Variants in PCYT1B observed in about 807,000 individuals in gnomAD.
PCYT1B encodes choline-phosphate cytidylyltransferase B.
PCYT1B carries 10 observed loss-of-function variants against 26.4 expected under a neutral mutation model. The ratio of observed to expected loss-of-function variants is 0.38; its 90% CI spans 0.23 to 0.64. PCYT1B has a LOEUF of 0.64. PCYT1B is among the 30% of genes least tolerant of loss of function. The pLI is 0.56. For synonymous variants in PCYT1B, 131 were observed against 108.4 expected, an observed-to-expected ratio of 1.21 and a Z score of -1.29; for missense variants, 161 against 292.7, an observed-to-expected ratio of 0.55 and a Z score of 3.28.
At chrX:24,651,285 T>C (rs1276804571), upstream of PCYT1B, among the ~76,000 whole-genome samples, 1 of 105,449 alleles carries the variant, frequency 9.5e-6, no homozygotes, top group Admixed American at 1.0e-4. Flanking sequence ...TGAAACCCCG[T>C]CTATTTTAAA....
Position 24,562,350 on chromosome X carries a change from G to T in PCYT1B, c.1053C>A (p.Pro351=). Residue 351 remains proline (P), a synonymous_variant, in exon 8 of 8, where the codon CCC becomes CCA. Coordinates refer to ENST00000379144, the MANE Select transcript of PCYT1B (RefSeq NM_004845.5). ...TGCTGATAGAGGCTGAGGCTGCTTTGGGTGAGGAAGGGGGTGAGGTTTTGA... is the reference window on the plus strand; with the variant it reads ...TGCTGATAGAGGCTGAGGCTGCTTTTGGTGAGGAAGGGGGTGAGGTTTTGA... The part of the protein sequence containing the change: ...LPLKTSPPSS[P]KAASASISSM... 1 of 1,171,648 alleles carries T rather than the reference G, an allele frequency of 8.5e-7. No homozygotes were observed.
chrX:24,593,438 TTTC>T (rs1256745500), intron 3 of PCYT1B, among the ~76,000 whole-genome samples: 32 of 73,594 alleles, frequency 4.3e-4, no homozygotes, highest in Middle Eastern at 7.0e-3. Flanking sequence ...CTTTCCTTTC[TTTC>T]TTTCTTTTCT....
chrX:24,587,238 C>T lies in PCYT1B; in HGVS notation c.565+3G>A. The T allele has an allele frequency of 2.5e-6, 3 of 1,180,685 alleles. No homozygotes were observed. Among genetic ancestry groups the T allele is most frequent in the Non-Finnish European group, 3.5e-6 (3 of 867,816 alleles). On this transcript the variant is annotated splice_donor_region_variant and intron_variant, in intron 5 of 7. Transcript: ENST00000379144. Reference sequence around the variant, plus strand: ...GACAGGTGAGCACAGGGGAATGCCTCACCTGCTTCCTTTATGTGCTTGTAA... The same window carrying T: ...GACAGGTGAGCACAGGGGAATGCCTTACCTGCTTCCTTTATGTGCTTGTAA...
intron 1 of PCYT1B, among the ~76,000 whole-genome samples, chrX:24,636,572 G>T (rs1188072303): frequency 8.9e-6 from 1 of 112,131 alleles, no homozygotes; most frequent in African/African-American, 3.2e-5. Flanking sequence ...AAGATTGCAC[G>T]ATTGCACTCC....
intron 4 of PCYT1B, 102 bp downstream of exon 4, chrX:24,589,920 CT>C: frequency 1.4e-6 from 1 of 692,085 alleles, no homozygotes; most frequent in East Asian, 3.4e-5. Context: ...CTGAAGTTAC[CT>C]CTTTTAGAAA....
At chrX:24,571,005 G>T (rs949352818) in intron 7 of PCYT1B, among the ~76,000 whole-genome samples, 1 of 112,000 alleles carries the variant, frequency 8.9e-6, no homozygotes, top group East Asian at 2.8e-4. Flanking sequence ...CCATCCTACC[G>T]CCTACCAACT....
intron 7 of PCYT1B, among the ~76,000 whole-genome samples, chrX:24,570,101 C>A (rs749253861): frequency 1.6e-3 from 159 of 99,917 alleles, no homozygotes; most frequent in Non-Finnish European, 2.2e-3. Context: ...ACAGGAGAAT[C>A]GGTTGAACCT....
At position 24,575,337 on chromosome X, in the gene PCYT1B, A is replaced by G. The variant is rs201996113; in HGVS notation, c.709-19T>C. On this transcript the variant is annotated intron_variant, in intron 6 of 7. Transcript: ENST00000379144. The stretch of plus-strand genomic sequence containing the variant: ...TCTTCTCCTGGTGAAAGTTTACAGG[A>G]AAAAAAAAAACAGATTTATCCAAGA... 1.2e-5 allele frequency: 2 copies of G among 163,977 alleles called. No individual in the cohort carries two copies. The highest frequency in any genetic ancestry group is 1.8e-5 in the Non-Finnish European group (2 of 112,261). The allele number at this position is 163,977 out of a possible 1,213,427, so 13.5% of individuals were successfully genotyped here. A position where few individuals can be genotyped will look rare whatever the true frequency, so the allele number is the denominator to read the frequency against.
chrX:24,574,996 G>A, intron 7 of PCYT1B, 134 bp downstream of exon 7: 2 of 441,239 alleles, frequency 4.5e-6, no homozygotes, highest in Non-Finnish European at 7.4e-6. Flanking sequence ...TGGACTTGAA[G>A]TCATTCAGGC....
chrX:24,595,411 G>C (rs1924742406), intron 3 of PCYT1B, among the ~76,000 whole-genome samples: 1 of 110,850 alleles, frequency 9.0e-6, no homozygotes, highest in South Asian at 3.9e-4. Context: ...ACAGACTGCA[G>C]GTGACTGAAC....
intron 7 of PCYT1B, 107 bp from the exon 8 acceptor site, chrX:24,562,612 C>G: frequency 1.6e-6 from 1 of 635,167 alleles, no homozygotes; most frequent in East Asian, 3.5e-5. Flanking sequence ...AACTCCTGAG[C>G]CCACAAACCT....
intron 1 of PCYT1B, among the ~76,000 whole-genome samples, chrX:24,620,312 C>T (rs1034077377): frequency 9.8e-5 from 11 of 111,836 alleles, no homozygotes; most frequent in South Asian, 3.7e-4. Context: ...TCTGCACTGA[C>T]GAGAACCGAT....
intron 3 of PCYT1B, among the ~76,000 whole-genome samples, chrX:24,592,926 T>A (rs1357510533): frequency 1.8e-5 from 2 of 111,939 alleles, no homozygotes; most frequent in Admixed American, 9.5e-5. Flanking sequence ...TTTGTTTGTG[T>A]TTTTTGGACA....
chrX:24,650,284 A>G (rs1361640947), upstream of PCYT1B: 1 of 105,858 alleles, frequency 9.4e-6, no homozygotes, highest in Non-Finnish European at 1.9e-5. Context: ...ATAGCAGGAG[A>G]GAGTTTATTG....
At position 24,669,636 on chromosome X, in the gene PCYT1B, C is replaced by T. The variant is rs773216314; in HGVS notation, c.63+2934G>A. Among the ~76,000 whole-genome samples the T allele has an allele frequency of 7.4e-5, 8 of 108,569 alleles. No individual in the cohort carries two copies. In the East Asian group the frequency reaches 2.3e-3, roughly 31 times the overall value. The allele number at this position is 108,569 out of a possible 115,157, so 94.3% of individuals were successfully genotyped here. ...TGTGGTTAGCGGCTACCTTATTCAA[C>T]AGTGTAGATTTAAAGAAAAAGTGAA... On this transcript the variant is annotated intron_variant, in intron 1 of 7. Coordinates refer to the PCYT1B transcript ENST00000379145.
chrX:24,632,832 G>A (rs1351214092), intron 1 of PCYT1B, among the ~76,000 whole-genome samples: 2 of 111,493 alleles, frequency 1.8e-5, no homozygotes, highest in Non-Finnish European at 3.8e-5. Context: ...CAAACATACA[G>A]TTAGATAGAA....
chrX:24,646,309 C>T (rs1383702847), intron 1 of PCYT1B, among the ~76,000 whole-genome samples: 1 of 111,264 alleles, frequency 9.0e-6, no homozygotes, highest in African/African-American at 3.3e-5. Flanking sequence ...GCTCTCAGTA[C>T]CCCGTTTCCA....
At position 24,575,351 on chromosome X, in the gene PCYT1B, A is replaced by C. The variant is rs764439467; in HGVS notation, c.709-33T>G. ...AAGTTTACAGGAAAAAAAAAAACAG[A>C]TTTATCCAAGAGGACATGAGAGAGA... On this transcript the variant is annotated intron_variant, in intron 6 of 7. Coordinates refer to ENST00000379144, the MANE Select transcript of PCYT1B (RefSeq NM_004845.5). 6.6e-6 allele frequency: 7 copies of C among 1,056,080 alleles called. No individual in the cohort carries two copies. The South Asian group carries it at 1.1e-4, about 16-fold the overall frequency. 87.0% of individuals were successfully genotyped at this position (1,056,080 alleles called of 1,213,427 possible). A position where few individuals can be genotyped will look rare whatever the true frequency, so the allele number is the denominator to read the frequency against.
intron 3 of PCYT1B, among the ~76,000 whole-genome samples, chrX:24,603,018 G>A (rs1389053964): frequency 9.0e-6 from 1 of 111,533 alleles, no homozygotes; most frequent in Non-Finnish European, 1.9e-5. Context: ...TGGCCAGGCT[G>A]GTTTAGAACT....
Sources: allele counts gnomAD v4.1 joint callset (sites outside exome capture counted in the v4.1 genomes callset), GRCh38; gene constraint gnomAD v4.1.1; transcripts MANE v1.5; gene names NCBI Gene and HGNC (gene_info 2026-07-23, HGNC 2026-07-21).